STRN: variants seen among roughly 807,000 people sequenced by gnomAD.
STRN encodes the protein striatin, also known as protein phosphatase 2 regulatory subunit B'''alpha.
STRN carries 53 observed loss-of-function variants against 96.3 expected under a neutral mutation model. The observed-to-expected ratio is 0.55, with a 90% CI of 0.44 to 0.69. The LOEUF is 0.69. STRN is among the 30% of genes least tolerant of loss of function. The pLI is 0.00. For missense variants in STRN, 987 were observed against 963.9 expected, an observed-to-expected ratio of 1.02 and a Z score of -0.32; for synonymous variants, 428 against 355.9, an observed-to-expected ratio of 1.20 and a Z score of -2.28.
chr2:36,938,654 T>C (rs1376000472), intron 1 of STRN, among the ~76,000 whole-genome samples: 1 of 152,190 alleles, frequency 6.6e-6, no homozygotes, highest in Non-Finnish European at 1.5e-5. Context: ...TTCAAGGTTA[T>C]TAAAACTATT....
chr2:36,874,080 C>A (rs1459775564), intron 10 of STRN, among the ~76,000 whole-genome samples: 17 of 151,070 alleles, frequency 1.1e-4, no homozygotes, highest in Admixed American at 2.0e-4. Context: ...ACGGTGAAAA[C>A]CCCATCTCTA....
rs1667996103 is a variant in STRN, at chr2:36,843,523, C to G, written c.*5933G>C. On this transcript the variant is annotated 3_prime_UTR_variant, in exon 18 of 18. Coordinates refer to ENST00000263918, the MANE Select transcript of STRN (RefSeq NM_003162.4). ...AACATATGTGTCTCTGAAAGTACCA[C>G]TGACCCAATCCTAGAAGCTATTTTA... 1 of 152,146 alleles carries G rather than the reference C, an allele frequency of 6.6e-6. No homozygotes were observed. The highest frequency in any genetic ancestry group is 6.6e-5 in the Admixed American group (1 of 15,252). 9.4% of individuals were successfully genotyped at this position (152,146 alleles called of 1,614,324 possible). A position where few individuals can be genotyped will look rare whatever the true frequency, so the allele number is the denominator to read the frequency against.
chr2:36,911,862 T>G (rs1669972830), intron 3 of STRN, among the ~76,000 whole-genome samples: 1 of 152,230 alleles, frequency 6.6e-6, no homozygotes, highest in African/African-American at 2.4e-5. Flanking sequence ...ACACCTCAAC[T>G]GGACCCTTAG....
At chr2:36,944,174 A>T (rs755399145) in intron 1 of STRN, among the ~76,000 whole-genome samples, 14 of 152,186 alleles carry the variant, frequency 9.2e-5, no homozygotes, top group Non-Finnish European at 1.8e-4. Context: ...ACACTAACAG[A>T]CAGTTGAAAA....
chr2:36,897,059 C>T (rs1011302164), intron 6 of STRN, among the ~76,000 whole-genome samples: 3 of 151,672 alleles, frequency 2.0e-5, no homozygotes, highest in Non-Finnish European at 2.9e-5. Context: ...CCCAGCTACT[C>T]GGGAGGCTGA....
At chr2:36,853,089 G>A (rs893594721) in intron 15 of STRN, among the ~76,000 whole-genome samples, 9 of 152,080 alleles carry the variant, frequency 5.9e-5, no homozygotes, top group Non-Finnish European at 1.2e-4. Flanking sequence ...CCCAGGAGGT[G>A]GAGGTTGCAG....
Position 36,845,915 on chromosome 2 carries a change from GCACACACACACACACACACACACA to G in STRN, c.*3517_*3540del, listed in dbSNP as rs58278911. On this transcript the variant is annotated 3_prime_UTR_variant, in exon 18 of 18. Coordinates refer to ENST00000263918, the MANE Select transcript of STRN (RefSeq NM_003162.4). ...CACACACACACACACACGCATGCAT[GCACACACACACACACACACACACA>G]CACACACACACACTAACTCTCTCTC... 7 of 82,870 alleles carry G rather than the reference GCACACACACACACACACACACACA, an allele frequency of 8.4e-5. No homozygotes were observed. The highest frequency in any genetic ancestry group is 1.2e-4 in the Non-Finnish European group (5 of 43,442). 5.1% of individuals were successfully genotyped at this position (82,870 alleles called of 1,614,324 possible).
At chr2:36,910,141 C>G (rs1029245297) in intron 3 of STRN, among the ~76,000 whole-genome samples, 1 of 150,420 alleles carries the variant, frequency 6.6e-6, no homozygotes, top group Non-Finnish European at 1.5e-5. Flanking sequence ...GCGTCACACT[C>G]CAGCCTGGGG....
intron 1 of STRN, among the ~76,000 whole-genome samples, chr2:36,942,686 G>GT (rs34573997): frequency 6.6e-6 from 1 of 151,926 alleles, no homozygotes; most frequent in East Asian, 1.9e-4. Flanking sequence ...CCAGTACTGG[G>GT]TGTTAGCATC....
At chr2:36,916,915 A>G (rs1179582427) in intron 2 of STRN, among the ~76,000 whole-genome samples, 2 of 152,116 alleles carry the variant, frequency 1.3e-5, no homozygotes, top group Non-Finnish European at 2.9e-5. Flanking sequence ...GGTGACTAAA[A>G]ATAGCCATAT....
rs140049205 is a variant in STRN at position 36,891,964 on chromosome 2, A to T, written c.931+1934T>A. Among the ~76,000 whole-genome samples, 1,060 of 152,316 alleles carry T rather than the reference A, an allele frequency of 7.0e-3. 3 individuals carry two copies. Among genetic ancestry groups the T allele is most frequent in the Non-Finnish European group, 0.011 (781 of 68,028 alleles). The stretch of plus-strand genomic sequence containing the variant: ...TTCATTTTTCCTTCAGAGAAGAAAT[A>T]TACCAAAAAAATAGGGATTTAATTA... On this transcript the variant is annotated intron_variant, in intron 7 of 17. Transcript: ENST00000263918.
intron 1 of STRN, among the ~76,000 whole-genome samples, chr2:36,928,905 G>A (rs180904019): frequency 2.2e-5 from 3 of 134,460 alleles, no homozygotes; most frequent in African/African-American, 5.7e-5. Flanking sequence ...CCGAGACCAC[G>A]CCACTGCACT....
chr2:36,852,441 T>C (rs1668243320), intron 15 of STRN, among the ~76,000 whole-genome samples: 1 of 152,180 alleles, frequency 6.6e-6, no homozygotes, highest in South Asian at 2.1e-4. Flanking sequence ...TTTTGATCAT[T>C]GTAATACACT....
intron 9 of STRN, among the ~76,000 whole-genome samples, chr2:36,882,207 CAT>C (rs897923087): frequency 7.9e-5 from 12 of 151,370 alleles, no homozygotes; most frequent in Non-Finnish European, 1.0e-4. Flanking sequence ...AAGAAAAAAA[CAT>C]ATGATTATGC....
At chr2:36,879,368 C>A (rs542881814) in intron 9 of STRN, among the ~76,000 whole-genome samples, 6 of 152,338 alleles carry the variant, frequency 3.9e-5, no homozygotes, top group Non-Finnish European at 8.8e-5. Context: ...CCACGCCCAG[C>A]GAGAAAATTT....
At chr2:36,880,851 T>C (rs1669050787) in intron 9 of STRN, among the ~76,000 whole-genome samples, 1 of 152,192 alleles carries the variant, frequency 6.6e-6, no homozygotes, top group African/African-American at 2.4e-5. Context: ...TTCTAACTAC[T>C]GCTCTACAAA....
intron 1 of STRN, among the ~76,000 whole-genome samples, chr2:36,927,279 G>A (rs1266627784): frequency 3.3e-5 from 5 of 152,014 alleles, no homozygotes; most frequent in Non-Finnish European, 5.9e-5. Flanking sequence ...AGGCCGAGGC[G>A]GGTGGATAAC....
In STRN at chr2:36,912,260, G is replaced by A. The variant is rs118014143; in HGVS notation, c.412+3818C>T. Among the ~76,000 whole-genome samples the A allele has an allele frequency of 4.3e-3, 647 of 152,118 alleles. 17 individuals carry two copies. Among genetic ancestry groups the A allele is most frequent in the Admixed American group, 0.03 (455 of 15,260 alleles). On this transcript the variant is annotated intron_variant, in intron 3 of 17. Coordinates refer to ENST00000263918, the MANE Select transcript of STRN (RefSeq NM_003162.4). ...CGTGTGCGTGAGAGTGTGCGCGCGCGCACACACACACTTTCCTTGACCCCA... is the reference window on the plus strand; with the variant it reads ...CGTGTGCGTGAGAGTGTGCGCGCGCACACACACACACTTTCCTTGACCCCA...
intron 2 of STRN, among the ~76,000 whole-genome samples, chr2:36,922,877 G>A (rs537846354): frequency 1.2e-4 from 19 of 152,224 alleles, no homozygotes; most frequent in South Asian, 8.3e-4. Context: ...GGCCGCACGC[G>A]GTGGCTCACG....
Sources: gnomAD v4.1 joint callset for allele counts (sites outside exome capture counted in the v4.1 genomes callset) on GRCh38, gnomAD v4.1.1 for gene constraint, MANE v1.5 for transcripts, NCBI Gene and HGNC (gene_info 2026-07-23, HGNC 2026-07-21) for gene names.